Variants in ARFGEF1 observed in about 807,000 individuals in gnomAD.
ARFGEF1 encodes the protein ARF guanine nucleotide exchange factor 1.
A neutral mutation model predicts 231.0 loss-of-function variants in ARFGEF1; 42 were observed. That is an observed-to-expected ratio of 0.18 (90% CI 0.14 to 0.24). ARFGEF1 has a LOEUF of 0.24. Ranked by LOEUF, ARFGEF1 falls within the 10% of genes least tolerant of loss-of-function variation. The pLI is 1.00. For synonymous variants in ARFGEF1, 710 were observed against 732.3 expected, an observed-to-expected ratio of 0.97 and a Z score of 0.49; for missense variants, 1,345 against 2,192.0, an observed-to-expected ratio of 0.61 and a Z score of 7.72.
rs1838165014 is a variant in ARFGEF1, at chr8:67,198,160, TC to T, written c.*773del. 1.0e-6 allele frequency: 1 copy of T among 985,798 alleles called. No homozygotes were observed. The highest frequency in any genetic ancestry group is 1.7e-5 in the African/African-American group (1 of 57,334). 61.1% of individuals were successfully genotyped at this position (985,798 alleles called of 1,614,324 possible). The stretch of plus-strand genomic sequence containing the variant: ...AGTAGGGATATTTTCTACCTTTTTT[TC>T]CCTATTGTTGAAGTGTCGGCCACAA... On this transcript the variant is annotated 3_prime_UTR_variant, in exon 39 of 39. Coordinates refer to ENST00000262215, the MANE Select transcript of ARFGEF1 (RefSeq NM_006421.5).
At chr8:67,328,381 T>C (rs1587329370) in intron 1 of ARFGEF1, among the ~76,000 whole-genome samples, 1 of 152,232 alleles carries the variant, frequency 6.6e-6, no homozygotes. Flanking sequence ...GATTTGTAAG[T>C]CTTTTTACAT....
At chr8:67,246,553 A>C (rs1322804942) in intron 19 of ARFGEF1, among the ~76,000 whole-genome samples, 2 of 149,954 alleles carry the variant, frequency 1.3e-5, no homozygotes, top group African/African-American at 5.0e-5. Flanking sequence ...AAATTTATTG[A>C]AACAAATGAT....
intron 5 of ARFGEF1, chr8:67,190,596 G>A: frequency 7.5e-7 from 1 of 1,330,422 alleles, no homozygotes; most frequent in Non-Finnish European, 1.1e-6. Context: ...GTTTAGCTCT[G>A]GGTAAGATTT....
chr8:67,198,289 T>C lies in ARFGEF1; in HGVS notation c.*645A>G. 1.0e-6 allele frequency: 1 copy of C among 985,230 alleles called. No homozygotes were observed. Among genetic ancestry groups the C allele is most frequent in the Non-Finnish European group, 1.2e-6 (1 of 829,374 alleles). The allele number at this position is 985,230 out of a possible 1,614,324, so 61.0% of individuals were successfully genotyped here. A position where few individuals can be genotyped will look rare whatever the true frequency, so the allele number is the denominator to read the frequency against. On this transcript the variant is annotated 3_prime_UTR_variant, in exon 39 of 39. Transcript: ENST00000262215. The stretch of plus-strand genomic sequence containing the variant: ...AAGAAAGTTCCACCCAAATGTTTAG[T>C]GCATTTGACAAAATATTATGGGTAT...
At chr8:67,182,243 T>G (rs1352198912) in intron 5 of ARFGEF1, among the ~76,000 whole-genome samples, 1 of 152,092 alleles carries the variant, frequency 6.6e-6, no homozygotes, top group Non-Finnish European at 1.5e-5. Flanking sequence ...GCTTAAGTGA[T>G]CCTCCTGCGG....
chr8:67,317,892 C>CTT (rs1458870882), intron 1 of ARFGEF1, among the ~76,000 whole-genome samples: 1 of 136,190 alleles, frequency 7.3e-6, no homozygotes, highest in African/African-American at 2.8e-5. Context: ...GAGCAAGACT[C>CTT]TGTCTCAAAA....
At chr8:67,226,526 A>G (rs1427849997) in intron 27 of ARFGEF1, among the ~76,000 whole-genome samples, 1 of 152,138 alleles carries the variant, frequency 6.6e-6, no homozygotes, top group Non-Finnish European at 1.5e-5. Flanking sequence ...ATAATAATAT[A>G]CACAGATAGC....
intron 34 of ARFGEF1, among the ~76,000 whole-genome samples, chr8:67,205,049 C>G (rs891199110): frequency 6.6e-6 from 1 of 152,192 alleles, no homozygotes; most frequent in African/African-American, 2.4e-5. Context: ...TAATTTAGAA[C>G]AAGCTTGTCC....
intron 1 of ARFGEF1, among the ~76,000 whole-genome samples, chr8:67,342,893 G>A (rs1287565332): frequency 6.6e-6 from 1 of 152,082 alleles, no homozygotes; most frequent in African/African-American, 2.4e-5. Context: ...TCACTCTCAA[G>A]TCGATCCCTC....
At chr8:67,294,319 G>A (rs1211005608) in intron 5 of ARFGEF1, among the ~76,000 whole-genome samples, 12 of 152,014 alleles carry the variant, frequency 7.9e-5, no homozygotes, top group Admixed American at 6.6e-4. Context: ...AGGATGTGAC[G>A]AATACCAAAA....
intron 1 of ARFGEF1, among the ~76,000 whole-genome samples, chr8:67,325,485 T>C (rs1807794071): frequency 6.6e-6 from 1 of 152,310 alleles, no homozygotes; most frequent in East Asian, 1.9e-4. Flanking sequence ...AAGGAGCCTC[T>C]ATCAGGCCTG....
At chr8:67,248,447 T>G (rs890567440) in intron 19 of ARFGEF1, among the ~76,000 whole-genome samples, 10 of 148,434 alleles carry the variant, frequency 6.7e-5, no homozygotes, top group African/African-American at 2.6e-4. Context: ...TACAAAAGAA[T>G]GAAACTAGAC....
intron 34 of ARFGEF1, among the ~76,000 whole-genome samples, chr8:67,209,736 G>A (rs1838655395): frequency 6.6e-6 from 1 of 152,172 alleles, no homozygotes; most frequent in Non-Finnish European, 1.5e-5. Context: ...AAGGTGAGGG[G>A]AGGAATACAG....
At chr8:67,297,058 A>C (rs1257237755) in intron 4 of ARFGEF1, among the ~76,000 whole-genome samples, 1 of 152,236 alleles carries the variant, frequency 6.6e-6, no homozygotes, top group Non-Finnish European at 1.5e-5. Context: ...TATACACAGA[A>C]TTTCTACTGG....
chr8:67,304,128 C>A (rs561526842), intron 1 of ARFGEF1, among the ~76,000 whole-genome samples: 4 of 152,244 alleles, frequency 2.6e-5, no homozygotes, highest in Admixed American at 6.5e-5. Flanking sequence ...AACTACTGGC[C>A]TATACATTTT....
chr8:67,181,844 G>A (rs1170827627), intron 5 of ARFGEF1, among the ~76,000 whole-genome samples: 1 of 152,012 alleles, frequency 6.6e-6, no homozygotes, highest in African/African-American at 2.4e-5. Context: ...TCTCCCTCCA[G>A]CCCCTGGCAG....
At chr8:67,293,193 G>A (rs978446766) in intron 5 of ARFGEF1, among the ~76,000 whole-genome samples, 2 of 152,004 alleles carry the variant, frequency 1.3e-5, no homozygotes, top group South Asian at 2.1e-4. Flanking sequence ...CCATAGCACA[G>A]AACTAAATAT....
chr8:67,227,295 C>A lies in ARFGEF1; in HGVS notation c.3758G>T (p.Arg1253Leu). ...TGCTATACACCGTACAACCATATCT[C>A]GAATTGTTGGAGACCTAAAAATATT... ...IMKRNRSPTI[R>L]DMVVRCIAQM... Residue 1253 changes from arginine to leucine, a missense_variant, in exon 27 of 39, where the codon CGA (arginine) becomes CTA (leucine). Arg to Leu is a moderately radical substitution (Grantham distance 102). Around this residue, in one of 14 missense-constraint regions of ARFGEF1, gnomAD observed 142 missense variants for 227.3 expected, o/e 0.62. Transcript: ENST00000262215. 1 of 1,611,546 alleles carries A rather than the reference C, an allele frequency of 6.2e-7. No homozygotes were observed. The highest frequency in any genetic ancestry group is 8.5e-7 in the Non-Finnish European group (1 of 1,178,456).
At chr8:67,299,061 G>T in intron 4 of ARFGEF1, 148 bp downstream of exon 4, 2 of 738,720 alleles carry the variant, frequency 2.7e-6, no homozygotes, top group Non-Finnish European at 4.0e-6. Flanking sequence ...TGGGATTACA[G>T]GCATGAGCCA....
Sources: allele counts gnomAD v4.1 joint callset (sites outside exome capture counted in the v4.1 genomes callset), GRCh38; gene constraint gnomAD v4.1.1; regional missense constraint gnomAD v4.1.1; transcripts MANE v1.5; gene names NCBI Gene and HGNC (gene_info 2026-07-23, HGNC 2026-07-21).